Variants in NSD2 observed in about 807,000 individuals in gnomAD.
NSD2 encodes the protein histone-lysine N-methyltransferase NSD2.
A neutral mutation model predicts 139.0 loss-of-function variants in NSD2; 12 were observed. The observed-to-expected ratio is 0.09, with a 90% CI of 0.06 to 0.14. The LOEUF is 0.14. NSD2 is among the 10% of genes least tolerant of loss of function. The probability of loss-of-function intolerance (pLI) is 1.00; values close to 1 mark genes in which losing one functional copy is unlikely to be tolerated. For synonymous variants in NSD2, 669 were observed against 648.7 expected, an observed-to-expected ratio of 1.03 and a Z score of -0.48; for missense variants, 1,155 against 1,745.0, an observed-to-expected ratio of 0.66 and a Z score of 6.02.
Position 1,877,550 on chromosome 4 carries a change from G to C in NSD2, c.-30+6008G>C, listed in dbSNP as rs79408412. ...TGCCCCCTTACCCCATGTGTTTGGGGGATAGGCATGCTTTCCCTCTTCCTT... is the reference window on the plus strand; with the variant it reads ...TGCCCCCTTACCCCATGTGTTTGGGCGATAGGCATGCTTTCCCTCTTCCTT... On this transcript the variant is annotated intron_variant, in intron 1 of 21. Transcript: ENST00000508803. Among the ~76,000 whole-genome samples, 126 of 152,242 alleles carry C rather than the reference G, an allele frequency of 8.3e-4. 2 individuals are homozygous for C. The East Asian group carries it at 0.02, about 24-fold the overall frequency.
intron 1 of NSD2, among the ~76,000 whole-genome samples, chr4:1,884,885 G>T (rs1035419587): frequency 7.9e-5 from 12 of 151,684 alleles, no homozygotes; most frequent in Non-Finnish European, 1.6e-4. Context: ...GAGGCAGGCG[G>T]ATCACCTGAG....
intron 18 of NSD2, among the ~76,000 whole-genome samples, chr4:1,968,680 T>TA (rs1228435818): frequency 6.6e-6 from 1 of 152,164 alleles, no homozygotes. Context: ...GTAAGTGGTT[T>TA]AAATGTATAA....
rs7377981 is a variant in NSD2 at position 1,958,873 on chromosome 4, C to T, written c.2986-598C>T. On this transcript the variant is annotated intron_variant, in intron 16 of 21. Transcript: ENST00000508803. The surrounding 1 kb of genome is among the most constrained non-coding windows in gnomAD (Gnocchi z 4.6). ...CAGCAGTGAAAAGAGTGTCTTTCGC[C>T]ACCTCTTCCCTAAGATTATGCATTT... 0.052 allele frequency among the ~76,000 whole-genome samples: 7,970 copies of T among 152,272 alleles called. 306 individuals carry two copies. The highest frequency in any genetic ancestry group is 0.096 in the Admixed American group (1,466 of 15,294).
chr4:1,938,390 T>C (rs1242802924), intron 7 of NSD2, 61 bp from the exon 8 acceptor site: 7 of 1,289,896 alleles, frequency 5.4e-6, no homozygotes, highest in Non-Finnish European at 7.1e-6. Flanking sequence ...TTTTTTTCCT[T>C]TTTTTCTTTT....
chr4:1,930,879 C>G, intron 6 of NSD2, 109 bp downstream of exon 6: 1 of 1,407,636 alleles, frequency 7.1e-7, no homozygotes. Flanking sequence ...CTCCCTGTTT[C>G]TGACCCGTGG....
Position 1,907,615 on chromosome 4 carries a change from C to CTTTTT in NSD2, c.760+3256_760+3260dup, listed in dbSNP as rs765535552. On this transcript the variant is annotated intron_variant, in intron 3 of 21. Coordinates refer to ENST00000508803, the MANE Select transcript of NSD2 (RefSeq NM_001042424.3). ...ACATCTTGTTCTACCTGTTGAATCT[C>CTTTTT]TTTTTTTTTTTTTTTTTTTTTTTGT... 4.0e-3 allele frequency among the ~76,000 whole-genome samples: 370 copies of CTTTTT among 93,656 alleles called. 6 individuals are homozygous for CTTTTT. Among genetic ancestry groups the CTTTTT allele is most frequent in the African/African-American group, 9.5e-3 (233 of 24,500 alleles). 61.4% of individuals were successfully genotyped at this position (93,656 alleles called of 152,430 possible). A position where few individuals can be genotyped will look rare whatever the true frequency, so the allele number is the denominator to read the frequency against.
chr4:1,921,781 CAAA>C (rs748895885), intron 5 of NSD2, among the ~76,000 whole-genome samples: 8 of 64,954 alleles, frequency 1.2e-4, no homozygotes, highest in East Asian at 4.7e-4. Context: ...GACTCTGTCT[CAAA>C]AAAAAAAAAA....
chr4:1,900,900 T>C lies in NSD2; in HGVS notation c.246T>C (p.Leu82=), dbSNP rs1717072440. The part of the protein sequence containing the change: ...PFIPADKLKD[L]TSRVFNGEPG... ...TTCCAGCCGACAAGCTGAAAGATCT[T>C]ACTTCCCGGGTGTTTAATGGAGAAC... Residue 82 remains leucine (L), a synonymous_variant, in exon 2 of 22, where the codon CTT becomes CTC. Coordinates refer to ENST00000508803, the MANE Select transcript of NSD2 (RefSeq NM_001042424.3). The C allele has an allele frequency of 6.2e-7, 1 of 1,613,392 alleles. No homozygotes were observed. The highest frequency in any genetic ancestry group is 8.5e-7 in the Non-Finnish European group (1 of 1,179,600).
At chr4:1,957,817 G>A (rs964278787) in intron 15 of NSD2, 116 bp from the exon 16 acceptor site, 2 of 997,474 alleles carry the variant, frequency 2.0e-6, no homozygotes, top group Admixed American at 2.7e-5. Flanking sequence ...AGTTTTATGG[G>A]AACCAGAAAC....
At chr4:1,896,271 C>G (rs1405795792) in intron 1 of NSD2, among the ~76,000 whole-genome samples, 2 of 152,264 alleles carry the variant, frequency 1.3e-5, no homozygotes, top group African/African-American at 4.8e-5. Context: ...CTGCCAAGCC[C>G]CAGCACCTAA....
intron 9 of NSD2, chr4:1,946,584 T>C: frequency 2.9e-6 from 3 of 1,022,594 alleles, no homozygotes; most frequent in Non-Finnish European, 3.5e-6. Flanking sequence ...TTGCTTATTT[T>C]AAAAGAAATA....
At chr4:1,895,556 T>C (rs574547464) in intron 1 of NSD2, among the ~76,000 whole-genome samples, 42 of 152,302 alleles carry the variant, frequency 2.8e-4, no homozygotes, top group Non-Finnish European at 4.7e-4. Flanking sequence ...CTTTTTTTTT[T>C]CCAAGTCTGC....
chr4:1,887,323 C>G (rs1332203703), intron 1 of NSD2, among the ~76,000 whole-genome samples: 1 of 152,000 alleles, frequency 6.6e-6, no homozygotes, highest in Non-Finnish European at 1.5e-5. Context: ...TTGACATGTT[C>G]TTCTTTTTTT....
chr4:1,934,866 AAAAAAAAAAAAAATATAT>A (rs1560694486), intron 6 of NSD2, among the ~76,000 whole-genome samples: 1 of 95,154 alleles, frequency 1.1e-5, no homozygotes, highest in Non-Finnish European at 2.0e-5. Flanking sequence ...AAAAAAAAAA[AAAAAAAAAAAAAATATAT>A]ATATATATAT....
intron 9 of NSD2, chr4:1,943,705 C>G: frequency 9.5e-7 from 1 of 1,050,786 alleles, no homozygotes; most frequent in South Asian, 4.6e-5. Flanking sequence ...TGAAAAAGCT[C>G]AAGAGTAAAA....
chr4:1,936,076 T>C (rs146819927), intron 7 of NSD2, among the ~76,000 whole-genome samples: 11 of 152,334 alleles, frequency 7.2e-5, no homozygotes, highest in African/African-American at 2.6e-4. Context: ...CTAAACAGGC[T>C]GTGCAGGAAA....
intron 1 of NSD2, among the ~76,000 whole-genome samples, chr4:1,894,128 A>G (rs1202106144): frequency 3.3e-5 from 5 of 151,862 alleles, no homozygotes; most frequent in African/African-American, 1.2e-4. Flanking sequence ...GGCTAAATTT[A>G]AAATTTTTTG....
chr4:1,883,270 T>C (rs1416362659), intron 1 of NSD2, among the ~76,000 whole-genome samples: 1 of 152,160 alleles, frequency 6.6e-6, no homozygotes, highest in African/African-American at 2.4e-5. Flanking sequence ...TTTGTGGACT[T>C]CCTTAGCTCA....
chr4:1,967,054 A>G (rs983104885), intron 18 of NSD2, among the ~76,000 whole-genome samples: 1 of 152,320 alleles, frequency 6.6e-6, no homozygotes, highest in Middle Eastern at 3.4e-3. Context: ...AAAAGAGAAA[A>G]GACTCACATA....
Sources: gnomAD v4.1 joint callset for allele counts (sites outside exome capture counted in the v4.1 genomes callset) on GRCh38, gnomAD v4.1.1 for gene constraint, Gnocchi (gnomAD v3.1) non-coding constraint, MANE v1.5 for transcripts, NCBI Gene and HGNC (gene_info 2026-07-23, HGNC 2026-07-21) for gene names.